Variants in XRCC4 observed in about 807,000 individuals in gnomAD.
XRCC4 encodes the protein DNA repair protein XRCC4.
XRCC4 carries 28 observed loss-of-function variants against 39.1 expected under a neutral mutation model. The ratio of observed to expected loss-of-function variants is 0.72; its 90% CI spans 0.53 to 0.98. The LOEUF (loss-of-function observed/expected upper bound fraction) is 0.98, where lower values mean the gene tolerates loss of function less well. XRCC4 is among the 50% of genes least tolerant of loss of function. The probability of loss-of-function intolerance (pLI) is 0.00; values close to 1 mark genes in which losing one functional copy is unlikely to be tolerated. For missense variants in XRCC4, 350 were observed against 376.4 expected, an observed-to-expected ratio of 0.93 and a Z score of 0.58; for synonymous variants, 123 against 126.4, an observed-to-expected ratio of 0.97 and a Z score of 0.18.
At chr5:83,195,177 G>A (rs1750887224) in intron 3 of XRCC4, among the ~76,000 whole-genome samples, 1 of 151,994 alleles carries the variant, frequency 6.6e-6, no homozygotes, top group South Asian at 2.1e-4. Context: ...GAGGAATTAA[G>A]GTATTTTTAA....
chr5:83,230,450 T>A (rs1442983579), intron 6 of XRCC4, among the ~76,000 whole-genome samples: 1 of 152,038 alleles, frequency 6.6e-6, no homozygotes, highest in African/African-American at 2.4e-5. Flanking sequence ...TGGCATGATA[T>A]GTGTGAAGTA....
chr5:83,352,429 C>G (rs887256992), intron 7 of XRCC4, among the ~76,000 whole-genome samples: 16 of 152,196 alleles, frequency 1.1e-4, no homozygotes, highest in Non-Finnish European at 2.2e-4. Flanking sequence ...CTGTTATTCT[C>G]TGGCACAGTC....
At chr5:83,077,683 T>C (rs1216890411) in intron 1 of XRCC4, 68 bp downstream of exon 1, 5 of 234,892 alleles carry the variant, frequency 2.1e-5, no homozygotes, top group Non-Finnish European at 4.3e-5. Flanking sequence ...TTTTATCTTT[T>C]TGCTTTCTTT....
chr5:83,128,037 A>G (rs1747361404), intron 3 of XRCC4, among the ~76,000 whole-genome samples: 1 of 151,790 alleles, frequency 6.6e-6, no homozygotes, highest in South Asian at 2.1e-4. Flanking sequence ...GGTTTTTTAC[A>G]TATGTATACA....
At chr5:83,119,366 C>G (rs1746886789) in intron 3 of XRCC4, among the ~76,000 whole-genome samples, 1 of 152,122 alleles carries the variant, frequency 6.6e-6, no homozygotes, top group Non-Finnish European at 1.5e-5. Flanking sequence ...TATTTGTGTA[C>G]ATGTGCCATT....
At chr5:83,184,393 AAATT>A (rs1450853720) in intron 3 of XRCC4, among the ~76,000 whole-genome samples, 3 of 152,068 alleles carry the variant, frequency 2.0e-5, no homozygotes, top group Non-Finnish European at 2.9e-5. Flanking sequence ...TTCATCAAAT[AAATT>A]TAGTTCAGTG....
intron 6 of XRCC4, among the ~76,000 whole-genome samples, chr5:83,223,830 C>G (rs527825199): frequency 2.0e-5 from 2 of 98,196 alleles, no homozygotes; most frequent in South Asian, 4.5e-4. Context: ...ATCCCTCCCC[C>G]CTCCCCCCAC....
chr5:83,338,313 C>G (rs10514255), intron 7 of XRCC4, among the ~76,000 whole-genome samples: 3,098 of 152,164 alleles, frequency 0.02, 109 homozygotes, highest in African/African-American at 0.07. Context: ...ATACATAGTT[C>G]GGATGACAGA....
chr5:83,090,516 ATCAGCAGTGT>A (rs1745375707), intron 1 of XRCC4, among the ~76,000 whole-genome samples: 1 of 152,176 alleles, frequency 6.6e-6, no homozygotes, highest in Admixed American at 6.5e-5. Flanking sequence ...AGGTATGTCT[ATCAGCAGTGT>A]GAAAATGGAC....
chr5:83,139,780 T>C (rs529788432), intron 3 of XRCC4, among the ~76,000 whole-genome samples: 1 of 152,312 alleles, frequency 6.6e-6, no homozygotes, highest in African/African-American at 2.4e-5. Context: ...TTTGTGTATC[T>C]ACACACACCT....
intron 3 of XRCC4, among the ~76,000 whole-genome samples, chr5:83,159,126 T>C (rs1002715570): frequency 4.6e-5 from 7 of 152,128 alleles, no homozygotes; most frequent in African/African-American, 1.7e-4. Context: ...AAAACAATCA[T>C]TGGTTTGAGG....
At chr5:83,265,672 C>T (rs1415947761) in intron 7 of XRCC4, among the ~76,000 whole-genome samples, 1 of 151,982 alleles carries the variant, frequency 6.6e-6, no homozygotes, top group Admixed American at 6.6e-5. Flanking sequence ...TTTAAGTATA[C>T]AAAAAGGACA....
intron 1 of XRCC4, among the ~76,000 whole-genome samples, chr5:83,082,578 T>C (rs1377670483): frequency 6.6e-6 from 1 of 152,246 alleles, no homozygotes; most frequent in Admixed American, 6.5e-5. Context: ...GTGAATCATT[T>C]GATTCATAGT....
chr5:83,143,141 T>C (rs571561554), intron 3 of XRCC4, among the ~76,000 whole-genome samples: 62 of 152,332 alleles, frequency 4.1e-4, no homozygotes, highest in African/African-American at 1.4e-3. Context: ...TGATTATTTG[T>C]TAGTATTATT....
intron 7 of XRCC4, among the ~76,000 whole-genome samples, chr5:83,315,293 G>C (rs1032119742): frequency 6.6e-6 from 1 of 152,116 alleles, no homozygotes; most frequent in Non-Finnish European, 1.5e-5. Flanking sequence ...GAAGCTAGCC[G>C]AGATTGGTTT....
At chr5:83,276,908 C>T (rs1298092808) in intron 7 of XRCC4, among the ~76,000 whole-genome samples, 3 of 151,904 alleles carry the variant, frequency 2.0e-5, no homozygotes, top group African/African-American at 7.3e-5. Context: ...ATAACAGAAT[C>T]TTGTTATAAT....
chr5:83,141,122 A>G (rs1748151328), intron 3 of XRCC4, among the ~76,000 whole-genome samples: 4 of 152,216 alleles, frequency 2.6e-5, no homozygotes, highest in Admixed American at 2.6e-4. Flanking sequence ...AAATCACTCC[A>G]TATCAGCTCA....
At chr5:83,208,402 A>G (rs114377353) in intron 6 of XRCC4, among the ~76,000 whole-genome samples, 177 of 152,210 alleles carry the variant, frequency 1.2e-3, no homozygotes, top group Non-Finnish European at 2.1e-3. Flanking sequence ...TTCATTCACA[A>G]ATATGAAATG....
the XRCC4 span, among the ~76,000 whole-genome samples, chr5:83,370,223 T>A: frequency 1.3e-5 from 2 of 152,144 alleles, no homozygotes; most frequent in Non-Finnish European, 2.9e-5. Context: ...CTAGACAATG[T>A]AGTCACAAGA....
Sources: gnomAD v4.1 joint callset for allele counts (sites outside exome capture counted in the v4.1 genomes callset) on GRCh38, gnomAD v4.1.1 for gene constraint, MANE v1.5 for transcripts, NCBI Gene and HGNC (gene_info 2026-07-23, HGNC 2026-07-21) for gene names.